Variants in TTC7A observed in about 807,000 individuals in gnomAD.
TTC7A encodes tetratricopeptide repeat domain 7A.
In TTC7A, 110 loss-of-function variants were observed where a neutral mutation model predicts 103.7. The observed-to-expected ratio is 1.06, with a 90% CI of 0.91 to 1.24. TTC7A has a LOEUF of 1.24. TTC7A is among the 50% of genes most tolerant of loss of function. TTC7A has a pLI of 0.00. For missense variants in TTC7A, 1,340 were observed against 1,116.3 expected (o/e 1.20, Z -2.86); for synonymous variants, 521 against 467.9 (o/e 1.11, Z -1.47).
At chr2:47,005,241 GC>G (rs1325768095) in intron 8 of TTC7A, among the ~76,000 whole-genome samples, 1 of 152,086 alleles carries the variant, frequency 6.6e-6, no homozygotes, top group South Asian at 2.1e-4. Context: ...GGAGGGGGGG[GC>G]TCTGGGAATG....
chr2:47,011,214 C>A, intron 10 of TTC7A, 117 bp from the exon 11 acceptor site: 1 of 912,142 alleles, frequency 1.1e-6, no homozygotes, highest in Non-Finnish European at 1.6e-6. Context: ...CTCTTCCTGG[C>A]TCCTGAGAGC....
chr2:46,988,479 T>G (rs1360522331), intron 5 of TTC7A, among the ~76,000 whole-genome samples: 1 of 152,268 alleles, frequency 6.6e-6, no homozygotes, highest in Non-Finnish European at 1.5e-5. Context: ...TTAGCAGTAC[T>G]GGCCCTGGAA....
At chr2:47,047,636 C>T (rs1277895463) in intron 16 of TTC7A, among the ~76,000 whole-genome samples, 4 of 152,356 alleles carry the variant, frequency 2.6e-5, no homozygotes, top group East Asian at 1.9e-4. Context: ...CAGAGCTGGC[C>T]GCTCTGTTCC....
intron 8 of TTC7A, among the ~76,000 whole-genome samples, chr2:47,000,117 C>G (rs1454225533): frequency 6.6e-6 from 1 of 152,160 alleles, no homozygotes; most frequent in Non-Finnish European, 1.5e-5. Flanking sequence ...TGTGAAGTGC[C>G]TGGTACATTT....
intron 6 of TTC7A, 184 bp from the exon 7 acceptor site, chr2:46,994,173 G>A: frequency 1.6e-6 from 1 of 638,188 alleles, no homozygotes; most frequent in Non-Finnish European, 2.7e-6. Flanking sequence ...AGGGGTGGGA[G>A]CGCCAGTGTT....
At chr2:46,983,391 C>T (rs186747565) in intron 5 of TTC7A, among the ~76,000 whole-genome samples, 2 of 152,322 alleles carry the variant, frequency 1.3e-5, no homozygotes, top group Non-Finnish European at 2.9e-5. Flanking sequence ...GCCTGGAGGG[C>T]TGGTTCCTGT....
At chr2:46,942,472 A>G (rs779843374) in intron 1 of TTC7A, among the ~76,000 whole-genome samples, 15 of 152,172 alleles carry the variant, frequency 9.9e-5, no homozygotes, top group Non-Finnish European at 1.5e-4. Context: ...CAGGGAATAA[A>G]TGAATACAGA....
At chr2:47,036,943 T>A in intron 15 of TTC7A, among the ~76,000 whole-genome samples, 1 of 152,196 alleles carries the variant, frequency 6.6e-6, no homozygotes, top group African/African-American at 2.4e-5. Context: ...CCCCGCATCC[T>A]GGCCAGGGTC....
At chr2:46,993,631 T>C in intron 6 of TTC7A, 103 bp downstream of exon 6, 3 of 1,047,122 alleles carry the variant, frequency 2.9e-6, no homozygotes, top group Non-Finnish European at 4.4e-6. Context: ...TGGCAGTAGG[T>C]CTCCTGCCTG....
At chr2:47,052,942 G>A (rs927027541) in intron 18 of TTC7A, among the ~76,000 whole-genome samples, 1 of 152,220 alleles carries the variant, frequency 6.6e-6, no homozygotes, top group Non-Finnish European at 1.5e-5. Context: ...GGGACATGGG[G>A]ATTTGGTAAG....
chr2:47,011,506 C>T, intron 11 of TTC7A, 71 bp downstream of exon 11: 1 of 1,249,658 alleles, frequency 8.0e-7, no homozygotes, highest in Non-Finnish European at 1.1e-6. Context: ...CTGTGCACGT[C>T]TTGACGTGTA....
At chr2:46,917,867 TG>T (rs1668897133) in intron 2 of TTC7A, among the ~76,000 whole-genome samples, 4 of 152,372 alleles carry the variant, frequency 2.6e-5, no homozygotes, top group African/African-American at 9.6e-5. Context: ...CCACACACTC[TG>T]GGTCCTTCTG....
At chr2:46,963,162 C>G (rs1672539242) in intron 3 of TTC7A, among the ~76,000 whole-genome samples, 1 of 152,250 alleles carries the variant, frequency 6.6e-6, no homozygotes, top group South Asian at 2.1e-4. Context: ...CCAGCCTTGT[C>G]TCCTAATAGA....
chr2:46,961,156 G>C (rs13426875), intron 3 of TTC7A, among the ~76,000 whole-genome samples: 19,107 of 152,292 alleles, frequency 0.13, 1,393 homozygotes, highest in African/African-American at 0.2. Flanking sequence ...ATCAGGGGAA[G>C]ACCCTGGAAA....
intron 19 of TTC7A, chr2:47,065,684 C>T (rs1310732698): frequency 6.6e-6 from 1 of 152,224 alleles, no homozygotes; most frequent in African/African-American, 2.4e-5. Flanking sequence ...GCCCAAGTGA[C>T]ATATTTGGGG....
chr2:46,957,996 G>T (rs877048), intron 3 of TTC7A, among the ~76,000 whole-genome samples: 47,862 of 152,030 alleles, frequency 0.31, 8,741 homozygotes, highest in East Asian at 0.64. Context: ...CTTGCCCAAA[G>T]TTACCCAGAT....
At position 46,941,618 on chromosome 2, in the gene TTC7A, G is replaced by T; in HGVS notation, c.77G>T (p.Trp26Leu). Residue 26 changes from tryptophan to leucine, a missense_variant, in exon 1 of 20, where the codon TGG becomes TTG. Physicochemically the swap from Trp to Leu is moderately conservative, Grantham distance 61 (BLOSUM62 -2). Coordinates refer to ENST00000319190, the MANE Select transcript of TTC7A (RefSeq NM_020458.4). The surrounding 1 kb of genome is among the most constrained non-coding windows in gnomAD (Gnocchi z 4.2). Reference protein sequence around the residue: ...ELERCRAEGHWDRMPELVRQL... With the variant: ...ELERCRAEGHLDRMPELVRQL... ...GAGCGCTGCCGCGCCGAGGGCCACT[G>T]GGACCGCATGCCGGAGCTGGTCCGG... 6.4e-7 allele frequency: 1 copy of T among 1,556,100 alleles called. No individual in the cohort carries two copies. The highest frequency in any genetic ancestry group is 1.2e-5 in the South Asian group (1 of 84,392).
At chr2:47,018,409 C>A (rs1678916249) in intron 11 of TTC7A, among the ~76,000 whole-genome samples, 1 of 151,606 alleles carries the variant, frequency 6.6e-6, no homozygotes, top group African/African-American at 2.4e-5. Flanking sequence ...ATGGTGAAAC[C>A]CTGTCTCTGC....
At chr2:46,956,812 G>A (rs540935522) in intron 2 of TTC7A, 27 bp from the exon 3 acceptor site, 17 of 1,612,682 alleles carry the variant, frequency 1.1e-5, no homozygotes, top group Admixed American at 1.7e-5. Context: ...TGGGGCAGGC[G>A]CTGGTAACAT....
Sources: gnomAD v4.1 joint callset for allele counts (sites outside exome capture counted in the v4.1 genomes callset) on GRCh38, gnomAD v4.1.1 for gene constraint, Gnocchi (gnomAD v3.1) non-coding constraint, MANE v1.5 for transcripts, NCBI Gene and HGNC (gene_info 2026-07-23, HGNC 2026-07-21) for gene names.